Variants in UMAD1 observed in about 807,000 individuals in gnomAD.
UMAD1 encodes UBAP1-MVB12-associated (UMA) domain containing 1.
A neutral mutation model predicts 6.1 loss-of-function variants in UMAD1; 8 were observed. The observed-to-expected ratio is 1.30, with a 90% confidence interval of 0.76 to 2.35. The LOEUF (loss-of-function observed/expected upper bound fraction) is 2.35. Among genes scored for constraint, UMAD1 ranks in the 30% most tolerant of loss-of-function variants. The pLI, the probability that UMAD1 is intolerant of heterozygous loss-of-function variation, is 0.00. For missense variants in UMAD1, 130 were observed against 78.4 expected, an observed-to-expected ratio of 1.66 and a Z score of -2.49; for synonymous variants, 56 against 31.4, an observed-to-expected ratio of 1.78 and a Z score of -2.61.
intron 3 of UMAD1, among the ~76,000 whole-genome samples, chr7:7,823,496 G>A (rs530757411): frequency 6.6e-6 from 1 of 152,134 alleles, no homozygotes; most frequent in South Asian, 2.1e-4. Flanking sequence ...TGTGATGTTT[G>A]GCCCTCCTGC....
intron 2 of UMAD1, among the ~76,000 whole-genome samples, chr7:7,729,690 C>G (rs1272769951): frequency 2.6e-5 from 4 of 152,174 alleles, no homozygotes; most frequent in African/African-American, 7.2e-5. Flanking sequence ...ATTCAGGATG[C>G]CCTGGTGAAC....
chr7:7,864,934 T>G (rs1246262254), intron 3 of UMAD1, among the ~76,000 whole-genome samples: 2 of 152,116 alleles, frequency 1.3e-5, no homozygotes, highest in Non-Finnish European at 2.9e-5. Context: ...CATAAAAACC[T>G]CTAAATAGTG....
intron 2 of UMAD1, among the ~76,000 whole-genome samples, chr7:7,687,502 G>A (rs1780066891): frequency 6.6e-6 from 1 of 152,154 alleles, no homozygotes; most frequent in South Asian, 2.1e-4. Flanking sequence ...CCCTGCCAGG[G>A]CCACATATAG....
intron 3 of UMAD1, among the ~76,000 whole-genome samples, chr7:7,817,666 TTTTA>T (rs1161077230): frequency 2.0e-5 from 3 of 152,330 alleles, no homozygotes; most frequent in South Asian, 4.1e-4. Flanking sequence ...CACATTGATT[TTTTA>T]TTTGTTATGT....
chr7:7,677,652 A>G lies in UMAD1; in HGVS notation c.82+4199A>G, dbSNP rs1583723815. ...TGTACCACATTTTCTTTATCTATTC[A>G]TCTGTTTTTTTGTTTTTTTTTTTTT... On this transcript the variant is annotated intron_variant, in intron 2 of 3. Transcript: ENST00000682710. Among the ~76,000 whole-genome samples the G allele has an allele frequency of 2.1e-5, 3 of 142,512 alleles. No homozygotes were observed. The South Asian group carries it at 6.6e-4, about 31-fold the overall frequency. The allele number at this position is 142,512 out of a possible 152,430, so 93.5% of individuals were successfully genotyped here.
intron 3 of UMAD1, among the ~76,000 whole-genome samples, chr7:7,835,462 C>G (rs976112474): frequency 5.9e-5 from 2 of 33,654 alleles, no homozygotes. Context: ...TGAAACAGCA[C>G]TTTTTTTTTT....
At chr7:7,654,952 AT>A (rs369021323) in intron 1 of UMAD1, among the ~76,000 whole-genome samples, 72 of 150,558 alleles carry the variant, frequency 4.8e-4, no homozygotes, top group African/African-American at 1.7e-3. Context: ...ACTGTTTTTT[AT>A]TTTTTTGACT....
chr7:7,746,247 T>G (rs116744711), intron 2 of UMAD1, among the ~76,000 whole-genome samples: 254 of 152,302 alleles, frequency 1.7e-3, no homozygotes, highest in African/African-American at 5.9e-3. Flanking sequence ...GTTCTCACTT[T>G]GCAACATCAG....
intron 2 of UMAD1, among the ~76,000 whole-genome samples, chr7:7,692,720 C>G (rs1189774576): frequency 6.6e-6 from 1 of 152,166 alleles, no homozygotes; most frequent in Non-Finnish European, 1.5e-5. Context: ...AGTGATTCTC[C>G]TGCCTCAGCC....
At chr7:7,823,101 T>A (rs935615778) in intron 3 of UMAD1, among the ~76,000 whole-genome samples, 2 of 152,124 alleles carry the variant, frequency 1.3e-5, no homozygotes, top group Non-Finnish European at 2.9e-5. Context: ...AGAGATGAGA[T>A]CCCAATGTTG....
intron 2 of UMAD1, among the ~76,000 whole-genome samples, chr7:7,693,557 TC>T (rs1780232136): frequency 6.6e-6 from 1 of 152,128 alleles, no homozygotes; most frequent in African/African-American, 2.4e-5. Context: ...AACTAGAACT[TC>T]CAGTGTATCA....
chr7:7,837,986 A>G (rs1018253367), intron 3 of UMAD1, among the ~76,000 whole-genome samples: 1 of 152,174 alleles, frequency 6.6e-6, no homozygotes, highest in African/African-American at 2.4e-5. Context: ...CCAGGAAAAT[A>G]TGACACTTCT....
At chr7:7,852,175 G>C (rs772762729) in intron 3 of UMAD1, among the ~76,000 whole-genome samples, 1 of 152,160 alleles carries the variant, frequency 6.6e-6, no homozygotes, top group Non-Finnish European at 1.5e-5. Context: ...AAAATCAGCT[G>C]ACCGCAGATA....
intron 2 of UMAD1, among the ~76,000 whole-genome samples, chr7:7,785,556 A>T (rs1219565941): frequency 2.0e-5 from 3 of 152,242 alleles, no homozygotes; most frequent in Non-Finnish European, 4.4e-5. Context: ...GGCAAAGGCC[A>T]GGTCTGTGTT....
rs1316171167 is a variant in UMAD1 at position 7,697,872 on chromosome 7, CTGTT to C, written c.82+24422_82+24425del. Among the ~76,000 whole-genome samples the C allele has an allele frequency of 3.9e-5, 6 of 152,154 alleles. No individual in the cohort carries two copies. The East Asian group carries it at 9.6e-4, about 24-fold the overall frequency. ...GTTTTTCAGTTGCTTAAATGACTCT[CTGTT>C]TGAGACCAGAAGTGTTTTCAGAGGA... On this transcript the variant is annotated intron_variant, in intron 2 of 3. Coordinates refer to ENST00000682710, the MANE Select transcript of UMAD1 (RefSeq NM_001302348.2).
intron 3 of UMAD1, among the ~76,000 whole-genome samples, chr7:7,821,951 T>G (rs765895112): frequency 6.6e-6 from 1 of 152,160 alleles, no homozygotes; most frequent in African/African-American, 2.4e-5. Flanking sequence ...TGAGTAATAA[T>G]CTATCACTTA....
chr7:7,653,936 T>G (rs536705773), intron 1 of UMAD1, among the ~76,000 whole-genome samples: 7 of 152,280 alleles, frequency 4.6e-5, no homozygotes, highest in Non-Finnish European at 1.0e-4. Context: ...TGATCCCAAA[T>G]GCTTAGAGTG....
chr7:7,759,343 T>C (rs894958538), intron 2 of UMAD1, among the ~76,000 whole-genome samples: 8 of 152,162 alleles, frequency 5.3e-5, no homozygotes, highest in Non-Finnish European at 1.0e-4. Flanking sequence ...ATAAATAATA[T>C]ATTTTAAAGT....
rs148474233 is a variant in UMAD1, at chr7:7,832,051, C to T, written c.156+30308C>T. Among the ~76,000 whole-genome samples, 770 of 152,254 alleles carry T rather than the reference C, an allele frequency of 5.1e-3. 7 individuals carry two copies. The highest frequency in any genetic ancestry group is 0.018 in the African/African-American group (728 of 41,542). On this transcript the variant is annotated intron_variant, in intron 3 of 3. Coordinates refer to ENST00000682710, the MANE Select transcript of UMAD1 (RefSeq NM_001302348.2). ...TAAAACTTCTTTTGAAAAACGCTGG[C>T]CCTTTGAATGTTGACTCTGTCTATC... is the stretch of plus-strand genomic sequence containing the variant.
Sources: gnomAD v4.1 joint callset for allele counts (sites outside exome capture counted in the v4.1 genomes callset) on GRCh38, gnomAD v4.1.1 for gene constraint, MANE v1.5 for transcripts, NCBI Gene and HGNC (gene_info 2026-07-23, HGNC 2026-07-21) for gene names.